DOCK5: variants seen among roughly 807,000 people sequenced by gnomAD.
DOCK5 encodes the protein dedicator of cytokinesis protein 5.
Under a neutral mutation model 251.8 loss-of-function variants are expected in DOCK5, and 142 were observed. The ratio of observed to expected loss-of-function variants is 0.56; its 90% CI spans 0.49 to 0.65. The LOEUF (loss-of-function observed/expected upper bound fraction) is 0.65. DOCK5 is among the 30% of genes least tolerant of loss of function. DOCK5 has a pLI of 0.00. For synonymous variants in DOCK5, 842 were observed against 835.5 expected (o/e 1.01, Z -0.13); for missense variants, 2,111 against 2,312.3 (o/e 0.91, Z 1.79).
chr8:25,299,475 A>T (rs145880844), intron 8 of DOCK5: 1 of 163,382 alleles, frequency 6.1e-6, no homozygotes, highest in East Asian at 1.7e-4. Context: ...TGTCATTATG[A>T]ATTTGTCTAA....
intron 8 of DOCK5, among the ~76,000 whole-genome samples, chr8:25,299,833 T>A (rs1163353787): frequency 2.6e-5 from 4 of 152,198 alleles, no homozygotes; most frequent in Non-Finnish European, 5.9e-5. Flanking sequence ...TAGTTAAAAG[T>A]AATTGCTGAC....
intron 2 of DOCK5, among the ~76,000 whole-genome samples, chr8:25,249,212 G>A (rs1025974689): frequency 6.6e-6 from 1 of 152,066 alleles, no homozygotes; most frequent in Admixed American, 6.6e-5. Context: ...TGTTGCCCTA[G>A]CTGGTCTGGA....
In DOCK5 at chr8:25,373,610, C is replaced by A; in HGVS notation, c.3685-8C>A. Reference sequence around the variant, plus strand: ...TTGGGATTCTGTGATCCTTTTTTTTCCTGGCAGAACTTTTATAAAGAAAAG... The same window carrying A: ...TTGGGATTCTGTGATCCTTTTTTTTACTGGCAGAACTTTTATAAAGAAAAG... On this transcript the variant is annotated splice_region_variant and splice_polypyrimidine_tract_variant and intron_variant, in intron 35 of 51. Transcript: ENST00000276440. The A allele has an allele frequency of 6.5e-7, 1 of 1,548,272 alleles. No individual in the cohort carries two copies. Among genetic ancestry groups the A allele is most frequent in the Non-Finnish European group, 8.7e-7 (1 of 1,145,100 alleles).
At position 25,233,117 on chromosome 8, in the gene DOCK5, G is replaced by T. The variant is rs553353705; in HGVS notation, c.44-10557G>T. On this transcript the variant is annotated intron_variant, in intron 1 of 51. Coordinates refer to ENST00000276440, the MANE Select transcript of DOCK5 (RefSeq NM_024940.8). The stretch of plus-strand genomic sequence containing the variant: ...CCCCCCTGAATTCTCCACTCTCCTG[G>T]TCTCAGAGTGACCACTGGCTGCCTG... 7.9e-5 allele frequency among the ~76,000 whole-genome samples: 12 copies of T among 152,056 alleles called. No individual in the cohort carries two copies. In the South Asian group the frequency reaches 2.5e-3, roughly 32 times the overall value.
chr8:25,282,386 T>C (rs962541136), intron 5 of DOCK5, among the ~76,000 whole-genome samples: 1 of 152,230 alleles, frequency 6.6e-6, no homozygotes, highest in African/African-American at 2.4e-5. Context: ...GGTTTTCGTG[T>C]CCCATCTCCT....
chr8:25,330,063 G>A (rs1450358103), intron 18 of DOCK5, among the ~76,000 whole-genome samples: 3 of 152,184 alleles, frequency 2.0e-5, no homozygotes, highest in African/African-American at 7.2e-5. Flanking sequence ...AGCTGAAGCT[G>A]CTGGGTGAAT....
intron 2 of DOCK5, among the ~76,000 whole-genome samples, chr8:25,257,654 G>A (rs1191472432): frequency 1.3e-5 from 2 of 152,138 alleles, no homozygotes; most frequent in Non-Finnish European, 2.9e-5. Context: ...CTCTTACCCA[G>A]TGGTCTCGTT....
intron 2 of DOCK5, among the ~76,000 whole-genome samples, chr8:25,248,808 A>C (rs761338857): frequency 2.6e-5 from 4 of 152,014 alleles, no homozygotes; most frequent in African/African-American, 7.2e-5. Context: ...TTGAATGATG[A>C]AGGTAAAATA....
At chr8:25,317,539 G>A (rs1238655409) in intron 14 of DOCK5, among the ~76,000 whole-genome samples, 1 of 152,226 alleles carries the variant, frequency 6.6e-6, no homozygotes. Context: ...AACCAAAGGA[G>A]ATGTGCTCAT....
At chr8:25,325,763 G>C (rs1805549508) in intron 18 of DOCK5, among the ~76,000 whole-genome samples, 1 of 152,184 alleles carries the variant, frequency 6.6e-6, no homozygotes, top group African/African-American at 2.4e-5. Flanking sequence ...CTTTAGAGCA[G>C]GATGAAAAAC....
chr8:25,258,734 G>T (rs991053685), intron 2 of DOCK5, among the ~76,000 whole-genome samples: 4 of 152,148 alleles, frequency 2.6e-5, no homozygotes, highest in African/African-American at 9.7e-5. Context: ...AAGAACACCT[G>T]TCTTTCTCAT....
chr8:25,356,058 G>C (rs1380868967), intron 27 of DOCK5, among the ~76,000 whole-genome samples: 4 of 146,230 alleles, frequency 2.7e-5, no homozygotes, highest in African/African-American at 1.0e-4. Flanking sequence ...AAAATAGCCA[G>C]TTGTGGTGAT....
intron 38 of DOCK5, among the ~76,000 whole-genome samples, chr8:25,377,745 C>T (rs977933226): frequency 1.1e-4 from 17 of 152,116 alleles, no homozygotes; most frequent in Non-Finnish European, 2.5e-4. Flanking sequence ...TAAACTGGGG[C>T]CAGCCACATG....
chr8:25,206,749 A>G (rs1179299904), intron 1 of DOCK5, among the ~76,000 whole-genome samples: 2 of 152,240 alleles, frequency 1.3e-5, no homozygotes, highest in African/African-American at 4.8e-5. Context: ...CAAAGAAGTA[A>G]GTACTCAATC....
Position 25,413,808 on chromosome 8 carries a change from A to G in DOCK5, c.*2510A>G, listed in dbSNP as rs953962937. The stretch of plus-strand genomic sequence containing the variant: ...CTGAACAAAAGGGATTCCAGGTAGT[A>G]TTGTGGCTAAGAGATTACAGCGGAC... On this transcript the variant is annotated 3_prime_UTR_variant, in exon 52 of 52. Coordinates refer to ENST00000276440, the MANE Select transcript of DOCK5 (RefSeq NM_024940.8). 6.6e-6 allele frequency: 1 copy of G among 152,214 alleles called. No individual in the cohort carries two copies. Among genetic ancestry groups the G allele is most frequent in the African/African-American group, 2.4e-5 (1 of 41,442 alleles). The allele number at this position is 152,214 out of a possible 1,614,324, so 9.4% of individuals were successfully genotyped here.
chr8:25,250,724 T>G (rs1007462980), intron 2 of DOCK5, among the ~76,000 whole-genome samples: 3 of 152,136 alleles, frequency 2.0e-5, no homozygotes, highest in African/African-American at 7.2e-5. Flanking sequence ...CAAAACCAAG[T>G]AAACAAAGTA....
chr8:25,299,916 A>G (rs1804717376), intron 8 of DOCK5, among the ~76,000 whole-genome samples: 1 of 152,188 alleles, frequency 6.6e-6, no homozygotes, highest in Non-Finnish European at 1.5e-5. Context: ...TGACTGTTAT[A>G]AAATTAAATT....
At chr8:25,335,768 T>G (rs1358689071) in intron 21 of DOCK5, among the ~76,000 whole-genome samples, 1 of 152,134 alleles carries the variant, frequency 6.6e-6, no homozygotes, top group Non-Finnish European at 1.5e-5. Context: ...GAGAGTGAGC[T>G]CCTCTTTCTT....
intron 7 of DOCK5, 103 bp from the exon 8 acceptor site, chr8:25,298,841 C>A: frequency 7.6e-7 from 1 of 1,312,304 alleles, no homozygotes. Context: ...TGTGCCCAGG[C>A]TTTGTCTGCC....
Sources: gnomAD v4.1 joint callset for allele counts (sites outside exome capture counted in the v4.1 genomes callset) on GRCh38, gnomAD v4.1.1 for gene constraint, MANE v1.5 for transcripts, NCBI Gene and HGNC (gene_info 2026-07-23, HGNC 2026-07-21) for gene names.